FLVCR2: variants seen among roughly 807,000 people sequenced by gnomAD.
FLVCR2 encodes FLVCR choline and putative heme transporter 2, also known as choline/ethanolamine transporter FLVCR2.
In FLVCR2, 38 loss-of-function variants were observed where a neutral mutation model predicts 48.9. The observed-to-expected ratio is 0.78, with a 90% CI of 0.60 to 1.02. FLVCR2 has a LOEUF of 1.02. FLVCR2 is among the 50% of genes least tolerant of loss of function. FLVCR2 has a pLI of 0.00. For synonymous variants in FLVCR2, 255 were observed against 257.0 expected (o/e 0.99, Z 0.07); for missense variants, 664 against 663.3 (o/e 1.00, Z -0.01).
chr14:75,631,337 C>T (rs530045768), intron 3 of FLVCR2, among the ~76,000 whole-genome samples: 4 of 152,298 alleles, frequency 2.6e-5, no homozygotes, highest in East Asian at 3.9e-4. Context: ...TGCAAATTGC[C>T]GGGGGCCTCA....
At position 75,635,045 on chromosome 14, in the gene FLVCR2, G is replaced by T. The variant is rs774706045; in HGVS notation, c.1124+32G>T. On this transcript the variant is annotated intron_variant, in intron 5 of 9. Coordinates refer to ENST00000238667, the MANE Select transcript of FLVCR2 (RefSeq NM_017791.3). ...GACTCATCCTCTTGGACTGAGAATT[G>T]GGGACCTGTTTTTTGAAATGACATA... The T allele has an allele frequency of 2.2e-6, 3 of 1,389,406 alleles. No homozygotes were observed. The Admixed American group carries it at 5.1e-5, about 23-fold the overall frequency. The allele number at this position is 1,389,406 out of a possible 1,614,324, so 86.1% of individuals were successfully genotyped here.
chr14:75,637,189 C>T (rs901567455), intron 5 of FLVCR2, among the ~76,000 whole-genome samples: 1 of 152,230 alleles, frequency 6.6e-6, no homozygotes, highest in African/African-American at 2.4e-5. Context: ...ATTTATTCAG[C>T]TGGTGACTTT....
chr14:75,636,448 A>G (rs1185791137), intron 5 of FLVCR2, among the ~76,000 whole-genome samples: 1 of 152,210 alleles, frequency 6.6e-6, no homozygotes, highest in Admixed American at 6.5e-5. Flanking sequence ...AAACCACTGA[A>G]TAGCAGTGAC....
At chr14:75,623,106 C>G (rs751431763) in intron 2 of FLVCR2, among the ~76,000 whole-genome samples, 2 of 152,092 alleles carry the variant, frequency 1.3e-5, no homozygotes, top group Non-Finnish European at 2.9e-5. Flanking sequence ...CTCAGTCTCT[C>G]GAGTAGCTGA....
chr14:75,586,146 G>A (rs1269375918), intron 1 of FLVCR2, among the ~76,000 whole-genome samples: 1 of 152,212 alleles, frequency 6.6e-6, no homozygotes, highest in African/African-American at 2.4e-5. Context: ...TCACCTGGGT[G>A]CAGGCAGGCT....
At chr14:75,579,791 C>A in intron 1 of FLVCR2, 150 bp downstream of exon 1, 1 of 923,470 alleles carries the variant, frequency 1.1e-6, no homozygotes, top group Non-Finnish European at 1.7e-6. Flanking sequence ...GATTGTGATG[C>A]TGTAAGAGAG....
chr14:75,637,530 C>A (rs1050305465), intron 5 of FLVCR2, among the ~76,000 whole-genome samples: 1 of 151,768 alleles, frequency 6.6e-6, no homozygotes, highest in Non-Finnish European at 1.5e-5. Context: ...ATCGAGACCA[C>A]CCTGGCTAAC....
chr14:75,621,452 T>C (rs1889764165), intron 1 of FLVCR2, among the ~76,000 whole-genome samples: 1 of 151,656 alleles, frequency 6.6e-6, no homozygotes. Flanking sequence ...GTTTAATTTG[T>C]TGGGGGTGTG....
At chr14:75,637,874 A>G (rs949041267) in intron 5 of FLVCR2, among the ~76,000 whole-genome samples, 28 of 152,108 alleles carry the variant, frequency 1.8e-4, no homozygotes, top group African/African-American at 6.5e-4. Flanking sequence ...GTCGAATTGC[A>G]GGAGTCGGGG....
At chr14:75,593,495 C>T (rs572991153) in intron 1 of FLVCR2, among the ~76,000 whole-genome samples, 15 of 152,146 alleles carry the variant, frequency 9.9e-5, no homozygotes, top group Non-Finnish European at 2.2e-4. Flanking sequence ...TTAAAACAAC[C>T]CACTATCATG....
chr14:75,631,693 G>A (rs72723676), intron 3 of FLVCR2: 28,206 of 450,300 alleles, frequency 0.063, 1,084 homozygotes, highest in Middle Eastern at 0.13. Context: ...AGAGAGGAGC[G>A]GGAGGAATGA....
chr14:75,586,763 T>G (rs879593289), intron 1 of FLVCR2, among the ~76,000 whole-genome samples: 3 of 152,028 alleles, frequency 2.0e-5, no homozygotes, highest in Non-Finnish European at 2.9e-5. Context: ...GAGCATTACC[T>G]TCTGCTTGCA....
At chr14:75,640,846 G>T in intron 6 of FLVCR2, 109 bp from the exon 7 acceptor site, 1 of 789,598 alleles carries the variant, frequency 1.3e-6, no homozygotes. Context: ...AGTATGTCTT[G>T]GTGGGAAGAA....
Position 75,639,391 on chromosome 14 carries a change from C to T in FLVCR2, c.1164C>T (p.Gly388=). The change falls in exon 6 of 10, where the codon GGC becomes GGT. Residue 388 remains glycine (G), a synonymous_variant. Transcript: ENST00000238667. ...TAGTCTATATCATGACACTGGTGGG[C>T]ATGGTGGTGTACACGTTTACCTTGA... The part of the protein sequence containing the change: ...TLVVYIMTLV[G]MVVYTFTLNL... 7 of 1,613,970 alleles carry T rather than the reference C, an allele frequency of 4.3e-6. No individual in the cohort carries two copies. The highest frequency in any genetic ancestry group is 5.9e-6 in the Non-Finnish European group (7 of 1,179,848).
chr14:75,602,416 T>C (rs1043900299), intron 1 of FLVCR2, among the ~76,000 whole-genome samples: 41 of 152,156 alleles, frequency 2.7e-4, no homozygotes, highest in African/African-American at 9.7e-4. Context: ...TTCTAATCCC[T>C]GGTCTTTCTG....
Position 75,639,347 on chromosome 14 carries a change from T to G in FLVCR2, c.1125-5T>G, listed in dbSNP as rs1890247363. 1.3e-6 allele frequency: 2 copies of G among 1,589,858 alleles called. No homozygotes were observed. Among genetic ancestry groups the G allele is most frequent in the Non-Finnish European group, 1.7e-6 (2 of 1,158,004 alleles). The stretch of plus-strand genomic sequence containing the variant: ...TTGATTCAATTTCTTTGCCTCTACT[T>G]GTAGAGAGACAACCCTGGTAGTCTA... On this transcript the variant is annotated splice_polypyrimidine_tract_variant and splice_region_variant and intron_variant, in intron 5 of 9. Coordinates refer to ENST00000238667, the MANE Select transcript of FLVCR2 (RefSeq NM_017791.3).
chr14:75,617,622 A>G lies in FLVCR2; in HGVS notation c.670-4457A>G, dbSNP rs191568351. Among the ~76,000 whole-genome samples the G allele has an allele frequency of 3.9e-5, 6 of 152,282 alleles. No homozygotes were observed. In the East Asian group the frequency reaches 1.2e-3, roughly 29 times the overall value. Reference sequence around the variant, plus strand: ...CCTGCATCTCAGCTTCATCATCTGTAAAATTGGGACGATGTTAGACCCCTC... The same window carrying G: ...CCTGCATCTCAGCTTCATCATCTGTGAAATTGGGACGATGTTAGACCCCTC... On this transcript the variant is annotated intron_variant, in intron 1 of 9. Coordinates refer to ENST00000238667, the MANE Select transcript of FLVCR2 (RefSeq NM_017791.3).
At chr14:75,589,048 ATT>A (rs111820159) in intron 1 of FLVCR2, among the ~76,000 whole-genome samples, 2 of 149,074 alleles carry the variant, frequency 1.3e-5, no homozygotes, top group Non-Finnish European at 1.5e-5. Context: ...CCTGGACAAC[ATT>A]TTTTTTTTTA....
chr14:75,632,833 G>A (rs1266003344), intron 3 of FLVCR2: 7 of 702,216 alleles, frequency 1.0e-5, no homozygotes, highest in Admixed American at 8.0e-5. Flanking sequence ...AAATGGTGAC[G>A]ATAATACTAC....
Sources: allele counts gnomAD v4.1 joint callset (sites outside exome capture counted in the v4.1 genomes callset), GRCh38; gene constraint gnomAD v4.1.1; transcripts MANE v1.5; gene names NCBI Gene and HGNC (gene_info 2026-07-23, HGNC 2026-07-21).